Variants in HLA-DRB1 observed in about 807,000 individuals in gnomAD.
The protein encoded by HLA-DRB1 is major histocompatibility complex, class II, DR beta 1 precursor.
Under a neutral mutation model 27.9 loss-of-function variants are expected in HLA-DRB1, and 10 were observed. The observed-to-expected ratio is 0.36, with a 90% CI of 0.22 to 0.61. HLA-DRB1 has a LOEUF of 0.61. Among genes scored for constraint, HLA-DRB1 ranks in the 20% least tolerant of loss-of-function variants. HLA-DRB1 has a pLI of 0.73. For missense variants in HLA-DRB1, 118 were observed against 306.3 expected, an observed-to-expected ratio of 0.39 and a Z score of 4.59; for synonymous variants, 57 against 126.7, an observed-to-expected ratio of 0.45 and a Z score of 3.69.
intron 5 of HLA-DRB1, 59 bp from the exon 6 acceptor site, chr6:32,579,163 C>T (rs72847691): frequency 0.25 from 162,563 of 661,356 alleles, 47,249 homozygotes; most frequent in Non-Finnish European, 0.27. Flanking sequence ...GTTTCTTTTC[C>T]CCTCTTTCAA....
At chr6:32,588,894 A>G (rs9270224) in intron 1 of HLA-DRB1, among the ~76,000 whole-genome samples, 1,012 of 111,752 alleles carry the variant, frequency 9.1e-3, no homozygotes, top group South Asian at 0.011. Flanking sequence ...AAGGTTAAAA[A>G]AGATTCATAA....
chr6:32,588,158 A>G (rs9270186), intron 1 of HLA-DRB1, among the ~76,000 whole-genome samples: 6,355 of 92,982 alleles, frequency 0.068, 36 homozygotes, highest in Middle Eastern at 0.13. Context: ...TTTTTTTATT[A>G]AGAGTCATCT....
In HLA-DRB1 at chr6:32,581,315, A is replaced by T. The variant is rs9269790; in HGVS notation, c.652+242T>A. ...GAGAGTGGGTGACCCTGACCTGCAA[A>T]ATCATGGGGAGGTTCAAAAGAGGGA... On this transcript the variant is annotated intron_variant, in intron 3 of 5. Coordinates refer to ENST00000360004, the Ensembl canonical transcript of HLA-DRB1. 3.1e-3 allele frequency among the ~76,000 whole-genome samples: 196 copies of T among 63,500 alleles called. 3 individuals carry two copies. Among genetic ancestry groups the T allele is most frequent in the South Asian group, 7.2e-3 (14 of 1,936 alleles). The allele number at this position is 63,500 out of a possible 152,430, so 41.7% of individuals were successfully genotyped here.
At position 32,580,617 on chromosome 6, in the gene HLA-DRB1, A is replaced by T. The variant is rs1417889991; in HGVS notation, c.763+129T>A. 42 of 814,126 alleles carry T rather than the reference A, an allele frequency of 5.2e-5. 6 individuals carry two copies. The East Asian group carries it at 1.4e-3, about 27-fold the overall frequency. The allele number at this position is 814,126 out of a possible 1,614,324, so 50.4% of individuals were successfully genotyped here. A position where few individuals can be genotyped will look rare whatever the true frequency, so the allele number is the denominator to read the frequency against. On this transcript the variant is annotated intron_variant, in intron 4 of 5. Coordinates refer to ENST00000360004, the Ensembl canonical transcript of HLA-DRB1. ...CTGATGATTTCTGGATTAGCAGGAC[A>T]TTAGAGCCGTTTGGGGAAAGAAAGG...
rs772011591 is a variant in HLA-DRB1, at chr6:32,584,365, CCA to C, written c.112_113del (p.Trp38AlafsTer3). On this transcript the variant is annotated frameshift_variant, in exon 2 of 6. Coordinates refer to ENST00000360004, the Ensembl canonical transcript of HLA-DRB1. LOFTEE classifies it high-confidence loss of function. The stretch of plus-strand genomic sequence containing the variant: ...AGAAATGACACTCCCTCTTAGGCTG[CCA>C]CAGGAAACGTGCTGTGGGGACACGA... The C allele has an allele frequency of 1.5e-5, 12 of 820,504 alleles. 1 individual carries two copies. The highest frequency in any genetic ancestry group is 8.1e-5 in the Admixed American group (3 of 36,994). The allele number at this position is 820,504 out of a possible 1,614,324, so 50.8% of individuals were successfully genotyped here. A position where few individuals can be genotyped will look rare whatever the true frequency, so the allele number is the denominator to read the frequency against.
intron 5 of HLA-DRB1, among the ~76,000 whole-genome samples, chr6:32,579,391 G>A (rs111688692): frequency 0.29 from 17,750 of 62,264 alleles, 5,600 homozygotes; most frequent in Admixed American, 0.33. Flanking sequence ...TGTTCCTTCC[G>A]GTGGGTTTGT....
intron 2 of HLA-DRB1, among the ~76,000 whole-genome samples, chr6:32,583,378 T>C (rs202101756): frequency 2.4e-5 from 1 of 41,218 alleles, no homozygotes; most frequent in African/African-American, 8.7e-5. Flanking sequence ...AATATGTAAC[T>C]ACTAGAAAAC....
chr6:32,582,274 T>C (rs41293182), intron 2 of HLA-DRB1, among the ~76,000 whole-genome samples: 23,798 of 130,678 alleles, frequency 0.18, 3,226 homozygotes, highest in Middle Eastern at 0.38. Context: ...CTTGGGGTTA[T>C]ATGAGGATTA....
rs1267051294 is a variant in HLA-DRB1, at chr6:32,584,025, A to T, written c.370+84T>A. 521 of 298,238 alleles carry T rather than the reference A, an allele frequency of 1.7e-3. 10 individuals are homozygous for T. Among genetic ancestry groups the T allele is most frequent in the South Asian group, 0.012 (397 of 33,356 alleles). The allele number at this position is 298,238 out of a possible 1,614,324, so 18.5% of individuals were successfully genotyped here. A position where few individuals can be genotyped will look rare whatever the true frequency, so the allele number is the denominator to read the frequency against. ...CTCTCTCTGTCTCTCTCTCACACAC[A>T]CACACACACACACACACACACACAC... On this transcript the variant is annotated intron_variant, in intron 2 of 5. Transcript: ENST00000360004.
rs189591509 is a variant in HLA-DRB1 at position 32,584,969 on chromosome 6, A to G, written c.101-591T>C. Among the ~76,000 whole-genome samples the G allele has an allele frequency of 8.0e-3, 432 of 53,976 alleles. 27 individuals are homozygous for G. The highest frequency in any genetic ancestry group is 0.01 in the Admixed American group (44 of 4,328). 35.4% of individuals were successfully genotyped at this position (53,976 alleles called of 152,430 possible). ...AGAAGTGTGGCGTTCTAGAGCAGAG[A>G]ATAATAGAAGATTCCCAGTTAAATT... is the stretch of plus-strand genomic sequence containing the variant. On this transcript the variant is annotated intron_variant, in intron 1 of 5. Transcript: ENST00000360004.
chr6:32,582,705 T>C, intron 2 of HLA-DRB1, among the ~76,000 whole-genome samples: 1 of 86,658 alleles, frequency 1.2e-5, no homozygotes, highest in South Asian at 3.7e-4. Flanking sequence ...GATCAATGCA[T>C]CTCCCGTGCA....
intron 1 of HLA-DRB1, among the ~76,000 whole-genome samples, chr6:32,588,056 A>G (rs9270182): frequency 0.69 from 91,910 of 133,824 alleles, 29,490 homozygotes; most frequent in Middle Eastern, 0.76. Context: ...TTCTCCTCCC[A>G]GTGATAAATA....
chr6:32,588,948 C>T (rs1190575442), intron 1 of HLA-DRB1, among the ~76,000 whole-genome samples: 1 of 112,970 alleles, frequency 8.9e-6, no homozygotes, highest in Non-Finnish European at 1.9e-5. Flanking sequence ...GCCTTAAGTT[C>T]TTTAGGCACC....
chr6:32,584,470 G>C (rs531110373), intron 1 of HLA-DRB1, 92 bp from the exon 2 acceptor site: 5 of 616,288 alleles, frequency 8.1e-6, no homozygotes, highest in Non-Finnish European at 7.3e-6. Context: ...AGCGGGGTGC[G>C]GGCGCTGGAA....
rs1313813358 is a variant in HLA-DRB1, at chr6:32,589,831, T to TAC, written c.-90_-89insGT. ...GAACCCCTCCACCCACATTCCAAGT[T>TAC]ATAGGGAGGAAGTTACTGATTTCCT... is the stretch of plus-strand genomic sequence containing the variant. On this transcript the variant is annotated 5_prime_UTR_variant, in exon 1 of 6. In the 5' UTR this introduces an upstream ATG that the reference lacks. Transcript: ENST00000360004. 0.018 allele frequency: 5,138 copies of TAC among 283,912 alleles called. 8 individuals are homozygous for TAC. The highest frequency in any genetic ancestry group is 0.11 in the African/African-American group (2,388 of 21,654). 17.6% of individuals were successfully genotyped at this position (283,912 alleles called of 1,614,324 possible). A position where few individuals can be genotyped will look rare whatever the true frequency, so the allele number is the denominator to read the frequency against.
At chr6:32,587,962 G>A (rs35324500) in intron 1 of HLA-DRB1, among the ~76,000 whole-genome samples, 6,629 of 119,488 alleles carry the variant, frequency 0.055, no homozygotes, top group East Asian at 0.11. Context: ...CCAGGGTATG[G>A]GAACTGATCA....
At chr6:32,585,997 C>T (rs112492478) in intron 1 of HLA-DRB1, among the ~76,000 whole-genome samples, 1,821 of 112,622 alleles carry the variant, frequency 0.016, no homozygotes, top group Admixed American at 0.028. Flanking sequence ...TTTATCACTC[C>T]ATTCTCATGA....
At chr6:32,581,907 TC>T (rs1775593538) in intron 2 of HLA-DRB1, 69 bp from the exon 3 acceptor site, 7 of 778,862 alleles carry the variant, frequency 9.0e-6, no homozygotes, top group Non-Finnish European at 1.2e-5. Flanking sequence ...TGGCTGTGTG[TC>T]TGCTTCTCTG....
chr6:32,583,922 C>T (rs28724077), intron 2 of HLA-DRB1, among the ~76,000 whole-genome samples, 187 bp downstream of exon 2: 473 of 38,560 alleles, frequency 0.012, 20 homozygotes, highest in East Asian at 0.031. Context: ...CACCTGTGCT[C>T]TCAGAACTGC....
Sources: allele counts gnomAD v4.1 joint callset (sites outside exome capture counted in the v4.1 genomes callset), GRCh38; gene constraint gnomAD v4.1.1; transcripts MANE v1.5; gene names NCBI Gene and HGNC (gene_info 2026-07-23, HGNC 2026-07-21).